GPHN: variants seen among roughly 807,000 people sequenced by gnomAD.
GPHN encodes the protein gephyrin.
GPHN carries 17 observed loss-of-function variants against 95.5 expected under a neutral mutation model. The ratio of observed to expected loss-of-function variants is 0.18; its 90% CI spans 0.12 to 0.27. GPHN has a LOEUF of 0.27. GPHN is among the 10% of genes least tolerant of loss of function. The pLI is 1.00. For missense variants in GPHN, 660 were observed against 978.1 expected (o/e 0.67, Z 4.34); for synonymous variants, 320 against 322.5 (o/e 0.99, Z 0.08).
intron 5 of GPHN, among the ~76,000 whole-genome samples, chr14:66,888,594 T>TA (rs1212601391): frequency 2.6e-5 from 4 of 151,922 alleles, no homozygotes; most frequent in Non-Finnish European, 2.9e-5. Context: ...GGATGTACAT[T>TA]AAAAAAATGA....
At chr14:67,054,421 C>A (rs1002668266) in intron 10 of GPHN, among the ~76,000 whole-genome samples, 4 of 152,084 alleles carry the variant, frequency 2.6e-5, no homozygotes, top group Non-Finnish European at 5.9e-5. Flanking sequence ...TCAAGGAGAA[C>A]TACAAACTGC....
At chr14:67,189,841 T>C in the GPHN span, 1 of 143,680 alleles carries the variant, frequency 7.0e-6, no homozygotes, top group East Asian at 2.0e-4. Flanking sequence ...TTTTTAATTT[T>C]TTTTTTTTTT....
chr14:66,555,021 C>G (rs968254754), intron 1 of GPHN, among the ~76,000 whole-genome samples: 1 of 151,926 alleles, frequency 6.6e-6, no homozygotes, highest in South Asian at 2.1e-4. Flanking sequence ...CAATATATGG[C>G]AGATAATATT....
At chr14:67,327,180 G>A in the GPHN span, among the ~76,000 whole-genome samples, 1 of 152,012 alleles carries the variant, frequency 6.6e-6, no homozygotes, top group Admixed American at 6.5e-5. Context: ...CAAAAAAAAA[G>A]AAAAAATTTT....
At chr14:67,614,805 A>G in the GPHN span, 4 of 151,732 alleles carry the variant, frequency 2.6e-5, no homozygotes, top group African/African-American at 9.7e-5. Flanking sequence ...ATCACTGCCT[A>G]ATTATTTTAC....
intron 1 of GPHN, among the ~76,000 whole-genome samples, chr14:66,599,392 ATT>A (rs765267813): frequency 9.2e-5 from 7 of 76,488 alleles, no homozygotes; most frequent in Admixed American, 1.4e-4. Context: ...TTTTTTTTGC[ATT>A]TTTTTTTTTT....
At chr14:67,466,163 G>A in the GPHN span, among the ~76,000 whole-genome samples, 13 of 152,210 alleles carry the variant, frequency 8.5e-5, no homozygotes, top group South Asian at 4.1e-4. Flanking sequence ...AGGACCCTTC[G>A]CCATCTGGTG....
At chr14:67,255,779 C>T in the GPHN span, among the ~76,000 whole-genome samples, 14 of 152,288 alleles carry the variant, frequency 9.2e-5, 1 homozygote, top group East Asian at 1.7e-3. Flanking sequence ...CCCTACCCAC[C>T]GGGGTTCAAA....
the GPHN span, among the ~76,000 whole-genome samples, chr14:67,724,259 C>A: frequency 6.6e-6 from 1 of 152,194 alleles, no homozygotes; most frequent in East Asian, 1.9e-4. Context: ...GGCTTCTGGG[C>A]AAGTGATCTT....
At chr14:66,567,225 C>T (rs1403108291) in intron 1 of GPHN, among the ~76,000 whole-genome samples, 1 of 152,054 alleles carries the variant, frequency 6.6e-6, no homozygotes, top group Non-Finnish European at 1.5e-5. Flanking sequence ...GTGGAGACTC[C>T]AGAGCAACAG....
chr14:67,073,634 TC>T (rs1359495983), intron 11 of GPHN, among the ~76,000 whole-genome samples: 1 of 152,176 alleles, frequency 6.6e-6, no homozygotes, highest in Non-Finnish European at 1.5e-5. Context: ...AATAACTAAT[TC>T]ATTACCAATT....
intron 2 of GPHN, among the ~76,000 whole-genome samples, chr14:66,736,884 T>C: frequency 6.6e-6 from 1 of 152,190 alleles, no homozygotes; most frequent in East Asian, 1.9e-4. Flanking sequence ...ATTTTCTTTC[T>C]TTTTATCTCT....
At chr14:66,549,102 A>G (rs1408397217) in intron 1 of GPHN, among the ~76,000 whole-genome samples, 1 of 152,144 alleles carries the variant, frequency 6.6e-6, no homozygotes, top group African/African-American at 2.4e-5. Context: ...AAAAGTTATC[A>G]TATACTTCCA....
chr14:67,335,984 G>C, the GPHN span, among the ~76,000 whole-genome samples: 1 of 152,094 alleles, frequency 6.6e-6, no homozygotes, highest in Non-Finnish European at 1.5e-5. Flanking sequence ...GCCCCCTGTT[G>C]GCACAGGTAT....
chr14:66,547,875 T>C (rs2059658824), intron 1 of GPHN, among the ~76,000 whole-genome samples: 1 of 152,204 alleles, frequency 6.6e-6, no homozygotes, highest in South Asian at 2.1e-4. Context: ...AATGAGATAA[T>C]AAATATAAAA....
At chr14:66,665,464 G>A (rs1411111658) in intron 1 of GPHN, among the ~76,000 whole-genome samples, 4 of 152,180 alleles carry the variant, frequency 2.6e-5, no homozygotes, top group Admixed American at 6.5e-5. Context: ...CTTCTCAAAA[G>A]AAGACATTTA....
At chr14:67,415,296 A>G in the GPHN span, among the ~76,000 whole-genome samples, 1 of 152,204 alleles carries the variant, frequency 6.6e-6, no homozygotes, top group Non-Finnish European at 1.5e-5. Context: ...GCTAATAAGT[A>G]TCTTACCAGG....
At chr14:66,528,393 C>G (rs2058775979) in intron 1 of GPHN, among the ~76,000 whole-genome samples, 1 of 152,068 alleles carries the variant, frequency 6.6e-6, no homozygotes, top group African/African-American at 2.4e-5. Flanking sequence ...TACAGCACAC[C>G]AATGGGTCTT....
At chr14:67,393,151 G>T in the GPHN span, 7 of 1,608,610 alleles carry the variant, frequency 4.4e-6, no homozygotes, top group African/African-American at 6.7e-5. Flanking sequence ...CAGGCTCACC[G>T]AGGAAGGTCT....
Sources: gnomAD v4.1 joint callset for allele counts (sites outside exome capture counted in the v4.1 genomes callset) on GRCh38, gnomAD v4.1.1 for gene constraint, MANE v1.5 for transcripts, NCBI Gene and HGNC (gene_info 2026-07-23, HGNC 2026-07-21) for gene names.